The following CDH12 variants were observed in gnomAD, a reference collection of about 807,000 sequenced individuals.
CDH12 encodes cadherin-12.
A neutral mutation model predicts 74.1 loss-of-function variants in CDH12; 41 were observed. The observed-to-expected ratio is 0.55, with a 90% CI of 0.43 to 0.72. The LOEUF is 0.72. CDH12 is among the 30% of genes least tolerant of loss of function. The pLI is 0.00. For missense variants in CDH12, 945 were observed against 977.2 expected, an observed-to-expected ratio of 0.97 and a Z score of 0.44; for synonymous variants, 399 against 355.0, an observed-to-expected ratio of 1.12 and a Z score of -1.39.
In CDH12 at chr5:22,445,737, GTGATTCA is replaced by G. The variant is rs1358425849; in HGVS notation, c.-427-40393_-427-40387del. Among the ~76,000 whole-genome samples, 3 of 152,074 alleles carry G rather than the reference GTGATTCA, an allele frequency of 2.0e-5. No homozygotes were observed. The East Asian group carries it at 5.8e-4, about 29-fold the overall frequency. On this transcript the variant is annotated intron_variant, in intron 2 of 14. Transcript: ENST00000382254. ...TTTTCCTTTCACTGCCCCTGTCCTG[GTGATTCA>G]GCAGGGCACCCTGTGGGCATACTGC...
chr5:21,785,004 C>T (rs764312914), intron 10 of CDH12, among the ~76,000 whole-genome samples: 3 of 152,092 alleles, frequency 2.0e-5, no homozygotes, highest in African/African-American at 4.8e-5. Flanking sequence ...GCAAGTTCAT[C>T]GGCATCATTT....
intron 1 of CDH12, among the ~76,000 whole-genome samples, chr5:22,551,218 G>C (rs1738552010): frequency 6.6e-6 from 1 of 152,188 alleles, no homozygotes; most frequent in Admixed American, 6.5e-5. Flanking sequence ...ACAGATGAAA[G>C]TCTATGTGAG....
chr5:22,421,194 A>T (rs1743637686), intron 2 of CDH12, among the ~76,000 whole-genome samples: 1 of 151,850 alleles, frequency 6.6e-6, no homozygotes. Context: ...TCTTTTTAAA[A>T]TTTTTTTATT....
intron 5 of CDH12, among the ~76,000 whole-genome samples, chr5:21,979,505 G>A (rs1757215972): frequency 6.6e-6 from 1 of 152,116 alleles, no homozygotes; most frequent in South Asian, 2.1e-4. Flanking sequence ...TAAAAGTTTT[G>A]AGAAAGCTAA....
rs189093848 is a variant in CDH12 at position 21,886,074 on chromosome 5, A to G, written c.527-31284T>C. Among the ~76,000 whole-genome samples the G allele has an allele frequency of 2.6e-5, 4 of 152,302 alleles. No individual in the cohort carries two copies. In the East Asian group the frequency reaches 7.7e-4, roughly 29 times the overall value. On this transcript the variant is annotated intron_variant, in intron 6 of 14. Coordinates refer to ENST00000382254, the MANE Select transcript of CDH12 (RefSeq NM_004061.5). ...GTTAAGCACCATTTTTGTTTGTAAC[A>G]TAAAATTCATTGCTCCATTTACTTC...
At chr5:22,452,408 A>G (rs1434082816) in intron 2 of CDH12, among the ~76,000 whole-genome samples, 1 of 152,054 alleles carries the variant, frequency 6.6e-6, no homozygotes, top group East Asian at 1.9e-4. Flanking sequence ...GAACTTGGAA[A>G]TATATTTACA....
At position 22,352,561 on chromosome 5, in the gene CDH12, G is replaced by GGA. The variant is rs1380634405; in HGVS notation, c.-333+52694_-333+52695dup. On this transcript the variant is annotated intron_variant, in intron 3 of 14. Coordinates refer to ENST00000382254, the MANE Select transcript of CDH12 (RefSeq NM_004061.5). ...AAGAATACCAATGAGAGAAAAAATA[G>GGA]GAGAGAGAGACAACGTTATAAATTT... 6.6e-5 allele frequency among the ~76,000 whole-genome samples: 10 copies of GGA among 152,200 alleles called. No individual in the cohort carries two copies. In the East Asian group the frequency reaches 1.9e-3, roughly 29 times the overall value.
At chr5:21,972,211 A>T (rs1412643200) in intron 6 of CDH12, among the ~76,000 whole-genome samples, 1 of 152,146 alleles carries the variant, frequency 6.6e-6, no homozygotes, top group Non-Finnish European at 1.5e-5. Context: ...TATGTTACAA[A>T]ACAGGTTATT....
intron 1 of CDH12, among the ~76,000 whole-genome samples, chr5:22,625,211 A>T (rs916027346): frequency 6.6e-6 from 1 of 152,158 alleles, no homozygotes; most frequent in Non-Finnish European, 1.5e-5. Context: ...CCTAATATAA[A>T]TGATGAGTTT....
chr5:22,419,503 G>A lies in CDH12; in HGVS notation c.-427-14152C>T, dbSNP rs145616785. Reference sequence around the variant, plus strand: ...ATGATCTTGTTCCTATGGCTGCATAGTATTCCATGGTGTATATGTACCACA... The same window carrying A: ...ATGATCTTGTTCCTATGGCTGCATAATATTCCATGGTGTATATGTACCACA... On this transcript the variant is annotated intron_variant, in intron 2 of 14. Transcript: ENST00000382254. Among the ~76,000 whole-genome samples, 743 of 152,252 alleles carry A rather than the reference G, an allele frequency of 4.9e-3. 7 individuals carry two copies. Among genetic ancestry groups the A allele is most frequent in the African/African-American group, 0.017 (699 of 41,538 alleles).
intron 3 of CDH12, among the ~76,000 whole-genome samples, chr5:22,258,914 C>T (rs1030628738): frequency 5.9e-5 from 9 of 152,188 alleles, no homozygotes; most frequent in East Asian, 5.8e-4. Flanking sequence ...TTTCTTAGAA[C>T]GTCTCCTGGA....
intron 3 of CDH12, among the ~76,000 whole-genome samples, chr5:22,373,975 T>C (rs770142033): frequency 3.6e-4 from 54 of 152,018 alleles, no homozygotes; most frequent in Non-Finnish European, 1.3e-4. Flanking sequence ...GAATAAATAA[T>C]TCAAAATAGT....
At chr5:22,462,549 C>T (rs1221194511) in intron 2 of CDH12, among the ~76,000 whole-genome samples, 1 of 152,072 alleles carries the variant, frequency 6.6e-6, no homozygotes, top group Non-Finnish European at 1.5e-5. Flanking sequence ...TACTGTGGTC[C>T]CTGGGTGGAA....
At chr5:22,467,211 TGAC>T (rs1181542327) in intron 2 of CDH12, among the ~76,000 whole-genome samples, 1 of 152,136 alleles carries the variant, frequency 6.6e-6, no homozygotes, top group Non-Finnish European at 1.5e-5. Flanking sequence ...ATTGGAACCT[TGAC>T]AGCCCGTGAG....
rs534225477 is a variant in CDH12 at position 22,689,379 on chromosome 5, TG to T, written c.-523+163678del. ...ATAATGGATACACTGGAAAAAGTCC[TG>T]TTCTTAGAACCCTTACAAGGATGAC... is the stretch of plus-strand genomic sequence containing the variant. On this transcript the variant is annotated intron_variant, in intron 1 of 14. Coordinates refer to ENST00000382254, the MANE Select transcript of CDH12 (RefSeq NM_004061.5). Among the ~76,000 whole-genome samples, 35 of 152,296 alleles carry T rather than the reference TG, an allele frequency of 2.3e-4. 2 individuals are homozygous for T. In the South Asian group the frequency reaches 7.2e-3, roughly 32 times the overall value.
intron 1 of CDH12, among the ~76,000 whole-genome samples, chr5:22,756,828 C>A (rs769789656): frequency 3.9e-5 from 6 of 151,924 alleles, no homozygotes; most frequent in Non-Finnish European, 7.4e-5. Flanking sequence ...GGCGTGGTGG[C>A]AGATGCCTGT....
chr5:22,399,616 G>T (rs1406571381), intron 3 of CDH12, among the ~76,000 whole-genome samples: 1 of 152,078 alleles, frequency 6.6e-6, no homozygotes, highest in East Asian at 1.9e-4. Flanking sequence ...GGTAATTCCT[G>T]CCAGAGAGTA....
At chr5:22,043,079 T>C (rs1181615254) in intron 5 of CDH12, among the ~76,000 whole-genome samples, 1 of 152,054 alleles carries the variant, frequency 6.6e-6, no homozygotes, top group Non-Finnish European at 1.5e-5. Flanking sequence ...GAGGAAATTC[T>C]TCCAAAGTCA....
intron 4 of CDH12, among the ~76,000 whole-genome samples, chr5:22,209,044 C>G (rs970006610): frequency 1.3e-4 from 20 of 152,160 alleles, no homozygotes; most frequent in Non-Finnish European, 2.6e-4. Context: ...TTTACAGTAT[C>G]TGGTACAATG....
Sources: allele counts gnomAD v4.1 joint callset (sites outside exome capture counted in the v4.1 genomes callset), GRCh38; gene constraint gnomAD v4.1.1; transcripts MANE v1.5; gene names NCBI Gene and HGNC (gene_info 2026-07-23, HGNC 2026-07-21).